Variants in ERI2 observed in about 807,000 individuals in gnomAD.
ERI2 encodes ERI1 exoribonuclease 2.
Under a neutral mutation model 46.8 loss-of-function variants are expected in ERI2, and 35 were observed. The observed-to-expected ratio is 0.75, with a 90% CI of 0.57 to 0.99. ERI2 has a LOEUF of 0.99. Ranked by LOEUF, ERI2 falls within the 50% of genes least tolerant of loss-of-function variation. The pLI is 0.00. For missense variants in ERI2, 695 were observed against 796.2 expected (o/e 0.87, Z 1.53); for synonymous variants, 224 against 271.0 (o/e 0.83, Z 1.70).
At chr16:20,801,048 T>C in intron 5 of ERI2, 155 bp downstream of exon 5, 1 of 540,154 alleles carries the variant, frequency 1.9e-6, no homozygotes, top group Non-Finnish European at 3.0e-6. Flanking sequence ...AATTTACTTT[T>C]CTTGGCTAAC....
At chr16:20,805,937 G>A in intron 1 of ERI2, 1 of 1,007,634 alleles carries the variant, frequency 9.9e-7, no homozygotes, top group Non-Finnish European at 1.2e-6. Context: ...GCTGGCGAGT[G>A]TACCCTTTCT....
Position 20,796,458 on chromosome 16 carries a change from A to G in ERI2, c.*1266T>C. 1 of 1,613,842 alleles carries G rather than the reference A, an allele frequency of 6.2e-7. No homozygotes were observed. Among genetic ancestry groups the G allele is most frequent in the Non-Finnish European group, 8.5e-7 (1 of 1,179,926 alleles). ...AAGGAGATTCAGGAGCATGTTAAAA[A>G]AACTACAGCACCTTACAAATATCCC... On this transcript the variant is annotated 3_prime_UTR_variant, in exon 9 of 9. Transcript: ENST00000357967.
chr16:20,792,307 T>G (rs1484350952), downstream of ERI2: 1 of 1,614,100 alleles, frequency 6.2e-7, no homozygotes, highest in South Asian at 1.1e-5. Context: ...TCAGCTGTTG[T>G]CAGCAGCCCA....
intron 5 of ERI2, chr16:20,800,843 A>AT (rs897138698): frequency 3.0e-3 from 517 of 171,832 alleles, no homozygotes; most frequent in Middle Eastern, 0.018. Context: ...TAAATGGCTC[A>AT]TTTTTTTTTT....
At chr16:20,782,303 G>A (rs2080369155) in intron 10 of ERI2, among the ~76,000 whole-genome samples, 1 of 152,046 alleles carries the variant, frequency 6.6e-6, no homozygotes, top group South Asian at 2.1e-4. Flanking sequence ...ACATGAATAA[G>A]TTCTTTAGTG....
chr16:20,800,324 A>G lies in ERI2; in HGVS notation c.539T>C (p.Ile180Thr), dbSNP rs758827137. The change falls in exon 6 of 9, where the codon ATT becomes ACT. Residue 180 changes from isoleucine to threonine, a missense_variant. Ile to Thr is a moderately conservative substitution (Grantham distance 89). Transcript: ENST00000357967. ...LLKPVFLNSWIDLRATYKLFY... is the reference protein window; with the variant it reads ...LLKPVFLNSWTDLRATYKLFY... ...TACCTTGTAAGTTGCTCTGAGATCA[A>G]TCCAAGAATTTAAAAACACAGGTTT... 12 of 1,609,948 alleles carry G rather than the reference A, an allele frequency of 7.5e-6. No homozygotes were observed. In the East Asian group the frequency reaches 1.8e-4, roughly 24 times the overall value.
At position 20,806,421 on chromosome 16, in the gene ERI2, T is replaced by A; in HGVS notation, c.10A>T (p.Lys4Ter). 3.9e-6 allele frequency: 6 copies of A among 1,552,942 alleles called. No homozygotes were observed. Among genetic ancestry groups the A allele is most frequent in the Non-Finnish European group, 5.2e-6 (6 of 1,148,016 alleles). Residue 4 changes from lysine to a stop codon, truncating the protein, a stop_gained, in exon 1 of 9, where the codon AAG becomes TAG. Coordinates refer to ENST00000357967, the MANE Select transcript of ERI2 (RefSeq NM_001142725.2). LOFTEE classifies it high-confidence loss of function. The part of the protein sequence containing the change: MAT[K>*]RLARQLGLIR... ...TCCCTCGAGTACCGCGCGAGCCGCTTGGTCGCCATTCCCGACACTCCTTGC... is the reference window on the plus strand; with the variant it reads ...TCCCTCGAGTACCGCGCGAGCCGCTAGGTCGCCATTCCCGACACTCCTTGC...
In ERI2 at chr16:20,798,526, C is replaced by T; in HGVS notation, c.1274G>A (p.Cys425Tyr). 1 of 1,551,578 alleles carries T rather than the reference C, an allele frequency of 6.4e-7. No homozygotes were observed. The highest frequency in any genetic ancestry group is 1.2e-5 in the South Asian group (1 of 84,060). Reference protein sequence around the residue: ...PASQPEENVDCTVPISDSDLE... With the variant: ...PASQPEENVDYTVPISDSDLE... ...GTCTGAGTCACTAATGGGAACTGTA[C>T]AGTCTACGTTTTCCTCAGGCTGAGA... The change falls in exon 9 of 9, where the codon TGT becomes TAT. Residue 425 changes from cysteine (C) to tyrosine (Y), a missense_variant. Transcript: ENST00000357967.
At position 20,790,928 on chromosome 16, in the gene ERI2, G is replaced by A. The variant is rs1567363017; in HGVS notation, c.737C>T (p.Pro246Leu). 2 of 1,613,810 alleles carry A rather than the reference G, an allele frequency of 1.2e-6. No homozygotes were observed. The highest frequency in any genetic ancestry group is 1.7e-6 in the Non-Finnish European group (2 of 1,179,854). The stretch of plus-strand genomic sequence containing the variant: ...CCAGGTCCACGAAGGCAAGAGGAAG[G>A]GACCCTAGAAAGAGGACAGCCTCTT... The change falls in exon 9 of 11, where the codon CCC (proline) becomes CTC (leucine). Residue 246 changes from proline to leucine, a missense_variant. Coordinates refer to the ERI2 transcript ENST00000300005. This position sits in a 1 kb window ranked among gnomAD's most constrained non-coding sequence, Gnocchi z 4.0.
At chr16:20,804,638 C>G (rs1253940345) in intron 1 of ERI2, among the ~76,000 whole-genome samples, 1 of 152,054 alleles carries the variant, frequency 6.6e-6, no homozygotes, top group Admixed American at 6.6e-5. Context: ...TGCACTCCAG[C>G]ATGGGCAACA....
downstream of ERI2, among the ~76,000 whole-genome samples, chr16:20,793,903 C>T (rs778294444): frequency 1.3e-5 from 2 of 152,150 alleles, no homozygotes; most frequent in East Asian, 1.9e-4. Flanking sequence ...ACAGGGTTAG[C>T]TTGGCAGCCA....
At chr16:20,805,134 A>G (rs554792300) in intron 1 of ERI2, among the ~76,000 whole-genome samples, 1 of 152,288 alleles carries the variant, frequency 6.6e-6, no homozygotes, top group East Asian at 1.9e-4. Context: ...GTGAATTAAA[A>G]GGATCACTAG....
chr16:20,789,012 CT>C (rs1368303330), intron 10 of ERI2, among the ~76,000 whole-genome samples: 1 of 152,102 alleles, frequency 6.6e-6, no homozygotes, highest in East Asian at 1.9e-4. Flanking sequence ...CAGGCCACAC[CT>C]CAGGTTTGAA....
In ERI2 at chr16:20,802,934, G is replaced by A. The variant is rs764514829; in HGVS notation, c.176-11C>T. ...CTGCTGGAAACTCAACTAAATGAAA[G>A]AATAATCAATTGACAGTTGAATAAA... On this transcript the variant is annotated splice_polypyrimidine_tract_variant and intron_variant, in intron 3 of 8. Transcript: ENST00000357967. 6.4e-7 allele frequency: 1 copy of A among 1,573,728 alleles called. No homozygotes were observed. Among genetic ancestry groups the A allele is most frequent in the Non-Finnish European group, 8.7e-7 (1 of 1,155,758 alleles).
intron 10 of ERI2, chr16:20,789,355 A>G: frequency 2.7e-6 from 2 of 742,548 alleles, no homozygotes; most frequent in African/African-American, 1.7e-5. Context: ...TCAAGTACTT[A>G]AAGGTTTAGC....
downstream of ERI2, among the ~76,000 whole-genome samples, chr16:20,794,071 G>T (rs992330372): frequency 6.6e-6 from 1 of 152,200 alleles, no homozygotes; most frequent in African/African-American, 2.4e-5. Context: ...CCTAGTAGAA[G>T]ATGTGAGTGG....
intron 10 of ERI2, chr16:20,781,265 T>A: frequency 2.6e-6 from 3 of 1,153,822 alleles, no homozygotes; most frequent in African/African-American, 3.1e-5. Flanking sequence ...AGAAAGTCAA[T>A]AAGCCTGAAA....
chr16:20,799,164 A>T, intron 8 of ERI2, 97 bp from the exon 9 acceptor site: 1 of 1,521,714 alleles, frequency 6.6e-7, no homozygotes, highest in South Asian at 1.3e-5. Context: ...AATGTCATTG[A>T]TTTATAAATG....
chr16:20,803,021 A>C (rs1306033451), intron 3 of ERI2, 98 bp from the exon 4 acceptor site: 2 of 1,281,054 alleles, frequency 1.6e-6, no homozygotes, highest in African/African-American at 3.0e-5. Flanking sequence ...TAATTAAACA[A>C]CCAGTTTTCA....
Sources: gnomAD v4.1 joint callset for allele counts (sites outside exome capture counted in the v4.1 genomes callset) on GRCh38, gnomAD v4.1.1 for gene constraint, Gnocchi (gnomAD v3.1) non-coding constraint, MANE v1.5 for transcripts, NCBI Gene and HGNC (gene_info 2026-07-23, HGNC 2026-07-21) for gene names.